The following FBXL7 variants were observed in gnomAD, a reference collection of about 807,000 sequenced individuals.
The protein encoded by FBXL7 is F-box and leucine rich repeat protein 7.
In FBXL7, 12 loss-of-function variants were observed where a neutral mutation model predicts 38.3. The ratio of observed to expected loss-of-function variants is 0.31; its 90% CI spans 0.20 to 0.51. The LOEUF (loss-of-function observed/expected upper bound fraction) is 0.51, where lower values mean the gene tolerates loss of function less well. Ranked by LOEUF, FBXL7 falls within the 20% of genes least tolerant of loss-of-function variation. The probability of loss-of-function intolerance (pLI) is 0.98; values close to 1 mark genes in which losing one functional copy is unlikely to be tolerated. For synonymous variants in FBXL7, 297 were observed against 300.9 expected, an observed-to-expected ratio of 0.99 and a Z score of 0.13; for missense variants, 567 against 676.4, an observed-to-expected ratio of 0.84 and a Z score of 1.79.
Position 15,880,130 on chromosome 5 carries a change from G to A in FBXL7, c.128-47760G>A, listed in dbSNP as rs537061197. Among the ~76,000 whole-genome samples, 6 of 152,190 alleles carry A rather than the reference G, an allele frequency of 3.9e-5. No individual in the cohort carries two copies. The East Asian group carries it at 9.6e-4, about 24-fold the overall frequency. On this transcript the variant is annotated intron_variant, in intron 2 of 3. Coordinates refer to ENST00000504595, the MANE Select transcript of FBXL7 (RefSeq NM_012304.5). Reference sequence around the variant, plus strand: ...CCTTCCATGATGCTTCTAAAATCACGGCTACTATTACCTCTGGAAGTAGAG... The same window carrying A: ...CCTTCCATGATGCTTCTAAAATCACAGCTACTATTACCTCTGGAAGTAGAG...
intron 1 of FBXL7, among the ~76,000 whole-genome samples, chr5:15,549,707 C>T (rs1175187464): frequency 6.6e-6 from 1 of 152,136 alleles, no homozygotes; most frequent in Non-Finnish European, 1.5e-5. Flanking sequence ...TAAGTAGCTA[C>T]ATAATATCCT....
At chr5:15,881,638 C>CATGA (rs1360766806) in intron 2 of FBXL7, among the ~76,000 whole-genome samples, 2 of 152,088 alleles carry the variant, frequency 1.3e-5, no homozygotes, top group East Asian at 3.9e-4. Flanking sequence ...GTTTACATTC[C>CATGA]CACCAATAGT....
intron 2 of FBXL7, among the ~76,000 whole-genome samples, chr5:15,832,839 C>T (rs1490904504): frequency 6.6e-6 from 1 of 151,978 alleles, no homozygotes; most frequent in Non-Finnish European, 1.5e-5. Flanking sequence ...GGCTGTGTCC[C>T]CACCCAAATC....
chr5:15,618,311 G>C (rs1412407684), intron 2 of FBXL7, among the ~76,000 whole-genome samples: 1 of 152,152 alleles, frequency 6.6e-6, no homozygotes, highest in East Asian at 1.9e-4. Flanking sequence ...AAGTAGAAGA[G>C]GCTTGTCCCT....
chr5:15,765,509 A>G (rs1375235099), intron 2 of FBXL7, among the ~76,000 whole-genome samples: 3 of 152,322 alleles, frequency 2.0e-5, no homozygotes, highest in East Asian at 3.9e-4. Context: ...GAATATTTCT[A>G]CTATTCAGAA....
At position 15,823,221 on chromosome 5, in the gene FBXL7, A is replaced by G. The variant is rs61145006; in HGVS notation, c.128-104669A>G. Among the ~76,000 whole-genome samples the G allele has an allele frequency of 8.5e-5, 13 of 152,360 alleles. No homozygotes were observed. The East Asian group carries it at 1.7e-3, about 20-fold the overall frequency. ...TGCTTATTTGTGAATGAGTAGACACATGTACATTATAACCAGACACTCCAC... is the reference window on the plus strand; with the variant it reads ...TGCTTATTTGTGAATGAGTAGACACGTGTACATTATAACCAGACACTCCAC... On this transcript the variant is annotated intron_variant, in intron 2 of 3. Transcript: ENST00000504595.
At chr5:15,794,560 G>A (rs1737365063) in intron 2 of FBXL7, among the ~76,000 whole-genome samples, 1 of 152,182 alleles carries the variant, frequency 6.6e-6, no homozygotes. Flanking sequence ...AGGAAGACGT[G>A]TTTTAAAATT....
At chr5:15,555,684 C>T (rs145754583) in intron 1 of FBXL7, among the ~76,000 whole-genome samples, 4 of 152,002 alleles carry the variant, frequency 2.6e-5, no homozygotes, top group African/African-American at 7.2e-5. Context: ...TCTCCTTTGT[C>T]CCATTGCAGT....
At chr5:15,882,386 T>C (rs1384874811) in intron 2 of FBXL7, among the ~76,000 whole-genome samples, 1 of 152,118 alleles carries the variant, frequency 6.6e-6, no homozygotes, top group Non-Finnish European at 1.5e-5. Flanking sequence ...GAGATGAGTG[T>C]CCCAGCACCT....
intron 2 of FBXL7, among the ~76,000 whole-genome samples, chr5:15,821,099 A>G (rs1319816053): frequency 1.3e-5 from 2 of 152,178 alleles, no homozygotes; most frequent in Non-Finnish European, 2.9e-5. Flanking sequence ...AGTCGGACAC[A>G]TGGTAGGTCC....
intron 2 of FBXL7, among the ~76,000 whole-genome samples, chr5:15,743,410 A>T (rs1346867403): frequency 6.6e-6 from 1 of 152,208 alleles, no homozygotes; most frequent in African/African-American, 2.4e-5. Flanking sequence ...TTGGTCAGTA[A>T]AAATGTTAAA....
chr5:15,604,198 T>C (rs145156427), intron 1 of FBXL7, among the ~76,000 whole-genome samples: 1 of 152,204 alleles, frequency 6.6e-6, no homozygotes, highest in Non-Finnish European at 1.5e-5. Flanking sequence ...TGTGTGAAAG[T>C]CATGTTCTTT....
At chr5:15,698,348 CAT>C (rs1743404673) in intron 2 of FBXL7, among the ~76,000 whole-genome samples, 1 of 152,152 alleles carries the variant, frequency 6.6e-6, no homozygotes, top group African/African-American at 2.4e-5. Context: ...TAAGCATATG[CAT>C]GTGGGCATTG....
intron 2 of FBXL7, among the ~76,000 whole-genome samples, chr5:15,716,128 C>T (rs1744037215): frequency 6.6e-6 from 1 of 152,206 alleles, no homozygotes; most frequent in South Asian, 2.1e-4. Context: ...TTAAACTGGA[C>T]TATAAAACGA....
intron 2 of FBXL7, among the ~76,000 whole-genome samples, chr5:15,785,099 T>C (rs984885507): frequency 6.6e-6 from 1 of 152,132 alleles, no homozygotes; most frequent in Non-Finnish European, 1.5e-5. Flanking sequence ...CTCTGTGCAG[T>C]TATCAGAATT....
intron 2 of FBXL7, among the ~76,000 whole-genome samples, chr5:15,916,196 G>C (rs905015437): frequency 6.6e-6 from 1 of 152,172 alleles, no homozygotes; most frequent in African/African-American, 2.4e-5. Context: ...GTAAAATACT[G>C]TTTTGTGGCT....
At chr5:15,756,229 A>T (rs1248625067) in intron 2 of FBXL7, among the ~76,000 whole-genome samples, 1 of 152,166 alleles carries the variant, frequency 6.6e-6, no homozygotes, top group Non-Finnish European at 1.5e-5. Flanking sequence ...ACATAAATAT[A>T]TTTCACTGTA....
At chr5:15,563,160 A>G (rs1738465638) in intron 1 of FBXL7, among the ~76,000 whole-genome samples, 3 of 152,018 alleles carry the variant, frequency 2.0e-5, no homozygotes, top group South Asian at 4.1e-4. Flanking sequence ...GAATTTTTGA[A>G]TTTCTTAGAA....
chr5:15,733,710 T>C (rs1242708911), intron 2 of FBXL7, among the ~76,000 whole-genome samples: 3 of 152,242 alleles, frequency 2.0e-5, no homozygotes, highest in African/African-American at 7.2e-5. Flanking sequence ...GGAATTGTCA[T>C]TTATTTACTA....
Sources: allele counts gnomAD v4.1 joint callset (sites outside exome capture counted in the v4.1 genomes callset), GRCh38; gene constraint gnomAD v4.1.1; transcripts MANE v1.5; gene names NCBI Gene and HGNC (gene_info 2026-07-23, HGNC 2026-07-21).